Variants in KIAA1328 observed in about 807,000 individuals in gnomAD.
The protein encoded by KIAA1328 is protein hinderin.
Under a neutral mutation model 68.1 loss-of-function variants are expected in KIAA1328, and 52 were observed. The ratio of observed to expected loss-of-function variants is 0.76; its 90% CI spans 0.61 to 0.96. KIAA1328 has a LOEUF of 0.96. KIAA1328 is among the 40% of genes least tolerant of loss of function. The probability of loss-of-function intolerance (pLI) is 0.00; values close to 1 mark genes in which losing one functional copy is unlikely to be tolerated. For missense variants in KIAA1328, 641 were observed against 677.6 expected, an observed-to-expected ratio of 0.95 and a Z score of 0.60; for synonymous variants, 232 against 239.4, an observed-to-expected ratio of 0.97 and a Z score of 0.28.
intron 6 of KIAA1328, among the ~76,000 whole-genome samples, chr18:36,982,551 A>G (rs148067853): frequency 6.6e-6 from 1 of 152,168 alleles, no homozygotes; most frequent in East Asian, 1.9e-4. Context: ...AAAAAACTTT[A>G]AAAGCCAAAA....
At chr18:37,159,129 C>G (rs986686066) in intron 7 of KIAA1328, among the ~76,000 whole-genome samples, 1 of 151,242 alleles carries the variant, frequency 6.6e-6, no homozygotes, top group African/African-American at 2.4e-5. Flanking sequence ...ATTTTATTTT[C>G]TTTATATAAT....
At chr18:36,836,600 AGTC>A (rs1157741932) in intron 3 of KIAA1328, among the ~76,000 whole-genome samples, 1 of 152,116 alleles carries the variant, frequency 6.6e-6, no homozygotes, top group African/African-American at 2.4e-5. Context: ...CATTTGCTTT[AGTC>A]AACTCTCTTT....
chr18:37,122,958 A>G (rs558151108), intron 7 of KIAA1328, among the ~76,000 whole-genome samples: 16 of 152,332 alleles, frequency 1.1e-4, no homozygotes, highest in African/African-American at 3.1e-4. Flanking sequence ...GTATTGAAGT[A>G]GTAATGTATG....
chr18:36,834,424 AT>A, intron 2 of KIAA1328, 69 bp downstream of exon 2: 2 of 1,340,606 alleles, frequency 1.5e-6, no homozygotes, highest in Non-Finnish European at 2.0e-6. Flanking sequence ...AAATAAAGCT[AT>A]TAGAACAATG....
intron 6 of KIAA1328, among the ~76,000 whole-genome samples, chr18:36,999,716 C>A (rs2053519341): frequency 6.6e-6 from 1 of 152,098 alleles, no homozygotes; most frequent in Non-Finnish European, 1.5e-5. Flanking sequence ...AAATATTTCA[C>A]TGAGGAAATT....
chr18:36,923,438 A>G (rs1015777779), intron 5 of KIAA1328, among the ~76,000 whole-genome samples: 6 of 152,176 alleles, frequency 3.9e-5, no homozygotes, highest in Non-Finnish European at 8.8e-5. Flanking sequence ...GAGAAGACAA[A>G]TTACCAAATT....
At chr18:37,097,573 G>T (rs323316) in intron 7 of KIAA1328, among the ~76,000 whole-genome samples, 24 of 151,916 alleles carry the variant, frequency 1.6e-4, no homozygotes, top group Non-Finnish European at 3.1e-4. Flanking sequence ...TTTTGGTTCC[G>T]TATGAACTTT....
rs1366584889 is a variant in KIAA1328 at position 37,112,815 on chromosome 18, T to G, written c.1232+45270T>G. Among the ~76,000 whole-genome samples, 3 of 152,124 alleles carry G rather than the reference T, an allele frequency of 2.0e-5. No homozygotes were observed. The East Asian group carries it at 5.8e-4, about 29-fold the overall frequency. ...TAAACAGTGTAGAGAAAGCCTTAAG[T>G]GACCTGATGGAGCTGAAAACCATGG... is the stretch of plus-strand genomic sequence containing the variant. On this transcript the variant is annotated intron_variant, in intron 7 of 9. Transcript: ENST00000280020.
At chr18:37,174,670 T>TA (rs879628093) in intron 9 of KIAA1328, among the ~76,000 whole-genome samples, 34 of 152,028 alleles carry the variant, frequency 2.2e-4, no homozygotes, top group Admixed American at 5.9e-4. Flanking sequence ...CTTGGCTCAC[T>TA]ACAAGCTCCA....
intron 8 of KIAA1328, among the ~76,000 whole-genome samples, chr18:37,171,614 A>G (rs2059501372): frequency 6.6e-6 from 1 of 152,200 alleles, no homozygotes. Context: ...GGCACTGGCC[A>G]GTATTAATAT....
chr18:37,001,466 C>T (rs1406909778), intron 6 of KIAA1328, among the ~76,000 whole-genome samples: 1 of 152,166 alleles, frequency 6.6e-6, no homozygotes, highest in South Asian at 2.1e-4. Context: ...AATATAAATT[C>T]TTCCCAAGCT....
intron 5 of KIAA1328, among the ~76,000 whole-genome samples, chr18:36,887,498 C>G (rs564407217): frequency 6.6e-6 from 1 of 152,066 alleles, no homozygotes; most frequent in East Asian, 1.9e-4. Context: ...CATTACATTT[C>G]CATTAAGGCA....
intron 7 of KIAA1328, among the ~76,000 whole-genome samples, chr18:37,134,138 C>T (rs1230631259): frequency 6.6e-6 from 1 of 151,916 alleles, no homozygotes; most frequent in Non-Finnish European, 1.5e-5. Context: ...CTCAGCCTCC[C>T]GAGTAGCTGG....
chr18:37,088,931 G>T (rs1039207818), intron 7 of KIAA1328, among the ~76,000 whole-genome samples: 2 of 152,126 alleles, frequency 1.3e-5, no homozygotes, highest in Middle Eastern at 3.4e-3. Flanking sequence ...GACTGTCTTG[G>T]TTGAATTAGA....
At chr18:37,214,782 G>A (rs2060393323) in intron 9 of KIAA1328, among the ~76,000 whole-genome samples, 2 of 152,176 alleles carry the variant, frequency 1.3e-5, no homozygotes, top group South Asian at 2.1e-4. Context: ...CTATCCATGA[G>A]CATGGAATGG....
At chr18:37,227,586 A>G (rs1166146682), downstream of KIAA1328, among the ~76,000 whole-genome samples, 1 of 152,278 alleles carries the variant, frequency 6.6e-6, no homozygotes, top group East Asian at 1.9e-4. Flanking sequence ...CAAAGCTTGC[A>G]TAGCAGCACA....
At chr18:36,891,089 A>G (rs2151000066) in intron 5 of KIAA1328, among the ~76,000 whole-genome samples, 1 of 152,310 alleles carries the variant, frequency 6.6e-6, no homozygotes, top group African/African-American at 2.4e-5. Flanking sequence ...ATAGCATTTC[A>G]CAACTGTGAC....
At chr18:36,966,828 T>C (rs2051958873) in intron 6 of KIAA1328, among the ~76,000 whole-genome samples, 1 of 152,220 alleles carries the variant, frequency 6.6e-6, no homozygotes, top group Non-Finnish European at 1.5e-5. Context: ...TGGCCGTTTT[T>C]CCCAAATTGA....
chr18:36,915,358 T>G (rs2049647366), intron 5 of KIAA1328, among the ~76,000 whole-genome samples: 1 of 147,416 alleles, frequency 6.8e-6, no homozygotes, highest in Non-Finnish European at 1.5e-5. Context: ...TAGTTTTATC[T>G]TTGAAAGATA....
Sources: gnomAD v4.1 joint callset for allele counts (sites outside exome capture counted in the v4.1 genomes callset) on GRCh38, gnomAD v4.1.1 for gene constraint, MANE v1.5 for transcripts, NCBI Gene and HGNC (gene_info 2026-07-23, HGNC 2026-07-21) for gene names.